EVI5L: variants seen among roughly 807,000 people sequenced by gnomAD.
EVI5L encodes the protein EVI5-like protein.
EVI5L carries 30 observed loss-of-function variants against 106.1 expected under a neutral mutation model. That is an observed-to-expected ratio of 0.28 (90% CI 0.21 to 0.38). The LOEUF (loss-of-function observed/expected upper bound fraction) is 0.38. Ranked by LOEUF, EVI5L falls within the 10% of genes least tolerant of loss-of-function variation. EVI5L has a pLI of 1.00. For missense variants in EVI5L, 809 were observed against 1,098.0 expected (o/e 0.74, Z 3.72); for synonymous variants, 489 against 483.3 (o/e 1.01, Z -0.15).
chr19:7,842,279 G>A (rs1259752249), intron 1 of EVI5L, among the ~76,000 whole-genome samples: 1 of 151,704 alleles, frequency 6.6e-6, no homozygotes. Context: ...GTATGAATGT[G>A]CATGGGTATG....
intron 6 of EVI5L, 131 bp from the exon 7 acceptor site, chr19:7,851,303 C>A: frequency 8.8e-7 from 1 of 1,131,198 alleles, no homozygotes; most frequent in Non-Finnish European, 1.2e-6. Context: ...GAGGGAGCAC[C>A]AGGAAGGGAG....
intron 13 of EVI5L, 99 bp from the exon 14 acceptor site, chr19:7,860,462 T>C (rs1220288985): frequency 3.9e-5 from 43 of 1,094,764 alleles, no homozygotes; most frequent in Non-Finnish European, 2.6e-6. Flanking sequence ...CTCTCCCTGC[T>C]GAAGGGCTCT....
At position 7,845,948 on chromosome 19, in the gene EVI5L, G is replaced by A. The variant is rs761076799; in HGVS notation, c.-47-548G>A. ...GTCGACTCTTCTGGCCATTGGCAGC[G>A]CCAGACAATTAACAGTCGAAAGTAA... On this transcript the variant is annotated intron_variant, in intron 1 of 19. Coordinates refer to ENST00000538904, the MANE Select transcript of EVI5L (RefSeq NM_001159944.3). The surrounding 1 kb of genome is among the most constrained non-coding windows in gnomAD (Gnocchi z 4.0). Among the ~76,000 whole-genome samples the A allele has an allele frequency of 8.5e-5, 13 of 152,202 alleles. No individual in the cohort carries two copies. Among genetic ancestry groups the A allele is most frequent in the Admixed American group, 2.0e-4 (3 of 15,278 alleles).
rs1343279391 is a variant in EVI5L at position 7,862,165 on chromosome 19, A to T, written c.1688A>T (p.Lys563Met). ...RGGRWKESPRKLVVGELQDEL... is the reference protein window; with the variant it reads ...RGGRWKESPRMLVVGELQDEL... ...GGCCGCTGGAAGGAGTCCCCACGGAAGCTGGTCGTGGGCGAGCTGCAGGAC... is the reference window on the plus strand; with the variant it reads ...GGCCGCTGGAAGGAGTCCCCACGGATGCTGGTCGTGGGCGAGCTGCAGGAC... Residue 563 changes from lysine to methionine, a missense_variant, in exon 16 of 20, where the codon AAG (lysine) becomes ATG (methionine). Transcript: ENST00000538904. The T allele has an allele frequency of 6.3e-7, 1 of 1,577,488 alleles. No individual in the cohort carries two copies. The highest frequency in any genetic ancestry group is 8.6e-7 in the Non-Finnish European group (1 of 1,166,270).
In EVI5L at chr19:7,858,521, T is replaced by C. The variant is rs1349291404; in HGVS notation, c.1374+190T>C. 2 of 718,902 alleles carry C rather than the reference T, an allele frequency of 2.8e-6. No individual in the cohort carries two copies. The highest frequency in any genetic ancestry group is 4.5e-6 in the Non-Finnish European group (2 of 449,172). 44.5% of individuals were successfully genotyped at this position (718,902 alleles called of 1,614,324 possible). On this transcript the variant is annotated intron_variant, in intron 13 of 19. Coordinates refer to ENST00000538904, the MANE Select transcript of EVI5L (RefSeq NM_001159944.3). This position sits in a 1 kb window ranked among gnomAD's most constrained non-coding sequence, Gnocchi z 5.7. ...AGCAGCTCCACATTCTGAGACATCCTGATATCCATTTCTTGCCACCTCATA... is the reference window on the plus strand; with the variant it reads ...AGCAGCTCCACATTCTGAGACATCCCGATATCCATTTCTTGCCACCTCATA...
At chr19:7,854,213 C>T (rs1411313504) in intron 10 of EVI5L, among the ~76,000 whole-genome samples, 2 of 143,778 alleles carry the variant, frequency 1.4e-5, no homozygotes, top group Admixed American at 7.4e-5. Flanking sequence ...ACCCGGGAGG[C>T]GGAGGTTACA....
intron 8 of EVI5L, chr19:7,852,663 C>T (rs950716537): frequency 3.8e-5 from 8 of 211,422 alleles, no homozygotes; most frequent in Non-Finnish European, 6.7e-5. Flanking sequence ...GCGATCCTCC[C>T]GCCTCAGCCT....
At position 7,847,899 on chromosome 19, in the gene EVI5L, G is replaced by A. The variant is rs1288686094; in HGVS notation, c.305G>A (p.Arg102His). 9 of 1,560,026 alleles carry A rather than the reference G, an allele frequency of 5.8e-6. No homozygotes were observed. The highest frequency in any genetic ancestry group is 1.2e-5 in the South Asian group (1 of 85,758). Reference sequence around the variant, plus strand: ...GCCAACGAGTGGGAGGAGTGGCGGCGCAGGAAGGAGAAGCTGCTCAAGGTG... The same window carrying A: ...GCCAACGAGTGGGAGGAGTGGCGGCACAGGAAGGAGAAGCTGCTCAAGGTG... Reference protein sequence around the residue: ...RIANEWEEWRRRKEKLLKELI... With the variant: ...RIANEWEEWRHRKEKLLKELI... Residue 102 changes from arginine to histidine, a missense_variant, in exon 3 of 20, where the codon CGC becomes CAC. By Grantham distance (29) the Arg-to-His change is conservative. Transcript: ENST00000538904.
chr19:7,836,301 C>T (rs771068956), intron 1 of EVI5L, among the ~76,000 whole-genome samples: 2 of 152,128 alleles, frequency 1.3e-5, no homozygotes, highest in Admixed American at 6.5e-5. Context: ...AAAGGAAACT[C>T]GGGGTCTTCA....
Position 7,848,259 on chromosome 19 carries a change from C to A in EVI5L, c.327+338C>A, listed in dbSNP as rs1979058207. Among the ~76,000 whole-genome samples, 1 of 151,498 alleles carries A rather than the reference C, an allele frequency of 6.6e-6. No individual in the cohort carries two copies. Among genetic ancestry groups the A allele is most frequent in the African/African-American group, 2.4e-5 (1 of 41,248 alleles). ...CTTGAGGCCAGGAGTTCGAGGCCAGCCTGGGCAACGTAATGAGACTCCGAC... is the reference window on the plus strand; with the variant it reads ...CTTGAGGCCAGGAGTTCGAGGCCAGACTGGGCAACGTAATGAGACTCCGAC... On this transcript the variant is annotated intron_variant, in intron 3 of 19. Transcript: ENST00000538904. This position sits in a 1 kb window ranked among gnomAD's most constrained non-coding sequence, Gnocchi z 4.8.
chr19:7,855,273 G>A (rs1000577458), intron 10 of EVI5L, among the ~76,000 whole-genome samples: 5 of 151,904 alleles, frequency 3.3e-5, no homozygotes, highest in Non-Finnish European at 7.4e-5. Context: ...GCACCACCAC[G>A]CCTGGCTAAT....
At chr19:7,851,379 C>G in intron 6 of EVI5L, 55 bp from the exon 7 acceptor site, 2 of 1,574,760 alleles carry the variant, frequency 1.3e-6, no homozygotes, top group Non-Finnish European at 1.7e-6. Context: ...GCCCAGCACC[C>G]CCCGGTGGGA....
In EVI5L at chr19:7,863,802, C is replaced by G; in HGVS notation, c.*100C>G. On this transcript the variant is annotated 3_prime_UTR_variant, in exon 20 of 20. Coordinates refer to ENST00000538904, the MANE Select transcript of EVI5L (RefSeq NM_001159944.3). This position sits in a 1 kb window ranked among gnomAD's most constrained non-coding sequence, Gnocchi z 7.7. Reference sequence around the variant, plus strand: ...CACCTGCCGCACTTGACAAACTACGCGCCCTCTGTGGCTCGGCCACCCCTA... The same window carrying G: ...CACCTGCCGCACTTGACAAACTACGGGCCCTCTGTGGCTCGGCCACCCCTA... 7.2e-7 allele frequency: 1 copy of G among 1,393,278 alleles called. No homozygotes were observed. Among genetic ancestry groups the G allele is most frequent in the Non-Finnish European group, 9.3e-7 (1 of 1,072,188 alleles). The allele number at this position is 1,393,278 out of a possible 1,614,324, so 86.3% of individuals were successfully genotyped here. A position where few individuals can be genotyped will look rare whatever the true frequency, so the allele number is the denominator to read the frequency against.
Position 7,863,498 on chromosome 19 carries a change from G to C in EVI5L, c.2214G>C (p.Leu738Phe), listed in dbSNP as rs889240547. 1.9e-6 allele frequency: 3 copies of C among 1,585,140 alleles called. No individual in the cohort carries two copies. In the African/African-American group the frequency reaches 4.0e-5, roughly 21 times the overall value. ...AFDGLSLARH[L>F]DEDSLPSSDE... Reference sequence around the variant, plus strand: ...ATGGGCTGAGCCTGGCGCGGCACTTGGACGAGGACTCGCTGCCGTCGTCGG... The same window carrying C: ...ATGGGCTGAGCCTGGCGCGGCACTTCGACGAGGACTCGCTGCCGTCGTCGG... Residue 738 changes from leucine to phenylalanine, a missense_variant, in exon 20 of 20, where the codon TTG (leucine) becomes TTC (phenylalanine). This residue lies in a region of EVI5L where 452 missense variants were observed against 509.9 expected (regional missense o/e 0.89). Transcript: ENST00000538904. The surrounding 1 kb of genome is among the most constrained non-coding windows in gnomAD (Gnocchi z 7.7).
chr19:7,859,152 C>A lies in EVI5L; in HGVS notation c.1374+821C>A, dbSNP rs1438276721. On this transcript the variant is annotated intron_variant, in intron 13 of 19. Transcript: ENST00000538904. ...GTTGCAGTGAGCCAAGATGGCACCA[C>A]CGCACTCCAGCCTGGGTGACAGAGC... 7 of 151,390 alleles carry A rather than the reference C, an allele frequency of 4.6e-5. No individual in the cohort carries two copies. The East Asian group carries it at 1.2e-3, about 25-fold the overall frequency. 9.4% of individuals were successfully genotyped at this position (151,390 alleles called of 1,614,324 possible). A position where few individuals can be genotyped will look rare whatever the true frequency, so the allele number is the denominator to read the frequency against.
In EVI5L at chr19:7,858,431, G is replaced by A; in HGVS notation, c.1374+100G>A. 7.1e-7 allele frequency: 1 copy of A among 1,403,692 alleles called. No homozygotes were observed. The highest frequency in any genetic ancestry group is 9.4e-7 in the Non-Finnish European group (1 of 1,066,628). The allele number at this position is 1,403,692 out of a possible 1,614,324, so 87.0% of individuals were successfully genotyped here. On this transcript the variant is annotated intron_variant, in intron 13 of 19. Coordinates refer to ENST00000538904, the MANE Select transcript of EVI5L (RefSeq NM_001159944.3). The surrounding 1 kb of genome is among the most constrained non-coding windows in gnomAD (Gnocchi z 5.7). ...AGGGCTCATAATCTGCCCCGCCTCA[G>A]CACCTGGCCCTCCTGTTCCTTTCTG...
chr19:7,845,623 G>T lies in EVI5L; in HGVS notation c.-47-873G>T, dbSNP rs773336407. Among the ~76,000 whole-genome samples, 2 of 152,222 alleles carry T rather than the reference G, an allele frequency of 1.3e-5. No individual in the cohort carries two copies. Among genetic ancestry groups the T allele is most frequent in the Non-Finnish European group, 2.9e-5 (2 of 68,032 alleles). On this transcript the variant is annotated intron_variant, in intron 1 of 19. Coordinates refer to ENST00000538904, the MANE Select transcript of EVI5L (RefSeq NM_001159944.3). This position sits in a 1 kb window ranked among gnomAD's most constrained non-coding sequence, Gnocchi z 4.0. Reference sequence around the variant, plus strand: ...TGACTGGCCCAAGGTCACACAGCTGGTTGAGGGGAGCCATGCTTCAGACGC... The same window carrying T: ...TGACTGGCCCAAGGTCACACAGCTGTTTGAGGGGAGCCATGCTTCAGACGC...
At position 7,846,661 on chromosome 19, in the gene EVI5L, A is replaced by G; in HGVS notation, c.119A>G (p.Lys40Arg). The change falls in exon 2 of 20, where the codon AAG becomes AGG. Residue 40 changes from lysine to arginine, a missense_variant. Lys to Arg is a conservative substitution (Grantham distance 26). Transcript: ENST00000538904. ...LSPDELELLAKLEEQNRLLEA... is the reference protein window; with the variant it reads ...LSPDELELLARLEEQNRLLEA... ...CCCGATGAGCTGGAGCTGCTGGCCA[A>G]GCTCGAAGAGCAGAACCGGTGAGTT... 1.2e-6 allele frequency: 2 copies of G among 1,613,102 alleles called. No homozygotes were observed. The highest frequency in any genetic ancestry group is 1.7e-6 in the Non-Finnish European group (2 of 1,179,748).
intron 6 of EVI5L, 65 bp from the exon 7 acceptor site, chr19:7,851,369 G>C: frequency 6.4e-7 from 1 of 1,561,204 alleles, no homozygotes. Flanking sequence ...GGACACTGAG[G>C]CCCAGCACCC....
Sources: allele counts gnomAD v4.1 joint callset (sites outside exome capture counted in the v4.1 genomes callset), GRCh38; gene constraint gnomAD v4.1.1; regional missense constraint gnomAD v4.1.1; non-coding constraint Gnocchi (gnomAD v3.1); transcripts MANE v1.5; gene names NCBI Gene and HGNC (gene_info 2026-07-23, HGNC 2026-07-21).